The following DCLK1 variants were observed in gnomAD, a reference collection of about 807,000 sequenced individuals.
The protein encoded by DCLK1 is doublecortin like kinase 1, also known as serine/threonine-protein kinase DCLK1.
DCLK1 carries 16 observed loss-of-function variants against 86.2 expected under a neutral mutation model. The observed-to-expected ratio is 0.19, with a 90% CI of 0.13 to 0.28. DCLK1 has a LOEUF of 0.28. Ranked by LOEUF, DCLK1 falls within the 10% of genes least tolerant of loss-of-function variation. DCLK1 has a pLI of 1.00. For missense variants in DCLK1, 590 were observed against 940.2 expected, an observed-to-expected ratio of 0.63 and a Z score of 4.87; for synonymous variants, 369 against 370.5, an observed-to-expected ratio of 1.00 and a Z score of 0.05.
chr13:36,122,854 A>T (rs1886042799), intron 2 of DCLK1, among the ~76,000 whole-genome samples: 1 of 152,224 alleles, frequency 6.6e-6, no homozygotes, highest in Non-Finnish European at 1.5e-5. Flanking sequence ...ACACACATTC[A>T]CACTGACTAT....
At chr13:36,014,888 G>A (rs371395864) in intron 3 of DCLK1, among the ~76,000 whole-genome samples, 28 of 152,112 alleles carry the variant, frequency 1.8e-4, no homozygotes, top group African/African-American at 5.3e-4. Context: ...AGAATGTTCC[G>A]TGCATAATTC....
At chr13:35,978,785 T>G (rs1468274523) in intron 3 of DCLK1, among the ~76,000 whole-genome samples, 1 of 152,328 alleles carries the variant, frequency 6.6e-6, no homozygotes. Context: ...CCTTTTTTTC[T>G]GTAAGGCCCC....
intron 4 of DCLK1, among the ~76,000 whole-genome samples, chr13:35,895,068 G>A (rs951013983): frequency 6.6e-6 from 1 of 152,132 alleles, no homozygotes; most frequent in African/African-American, 2.4e-5. Context: ...AGCCTCCCCA[G>A]TAGCTGTGAC....
rs17068354 is a variant in DCLK1 at position 35,847,708 on chromosome 13, G to A, written c.1035+6791C>T. The A allele has an allele frequency of 1.4e-3, 1,348 of 980,928 alleles. 22 individuals are homozygous for A. In the African/African-American group the frequency reaches 0.022, roughly 16 times the overall value. 60.8% of individuals were successfully genotyped at this position (980,928 alleles called of 1,614,324 possible). A position where few individuals can be genotyped will look rare whatever the true frequency, so the allele number is the denominator to read the frequency against. On this transcript the variant is annotated intron_variant, in intron 6 of 16. Transcript: ENST00000360631. ...TCAGGGCATGTGTTGGAAATTCCCCGGCTGGTTATGTAGGGTATATATATA... is the reference window on the plus strand; with the variant it reads ...TCAGGGCATGTGTTGGAAATTCCCCAGCTGGTTATGTAGGGTATATATATA...
At chr13:36,117,751 T>C (rs1310794793) in intron 2 of DCLK1, among the ~76,000 whole-genome samples, 2 of 152,210 alleles carry the variant, frequency 1.3e-5, no homozygotes, top group Admixed American at 6.5e-5. Flanking sequence ...TTAGCCACTC[T>C]GGGAAGGGAA....
intron 4 of DCLK1, among the ~76,000 whole-genome samples, chr13:35,911,125 T>C (rs933826182): frequency 5.3e-5 from 1 of 18,948 alleles, no homozygotes; most frequent in South Asian, 4.5e-3. Context: ...CTACTAAAAA[T>C]ACAAAAAAAA....
At chr13:36,056,662 A>AG (rs1454076948) in intron 3 of DCLK1, among the ~76,000 whole-genome samples, 4 of 150,938 alleles carry the variant, frequency 2.7e-5, no homozygotes, top group Non-Finnish European at 5.9e-5. Context: ...GCACACAAAA[A>AG]AAAAAATTAA....
intron 4 of DCLK1, among the ~76,000 whole-genome samples, chr13:35,872,583 C>T (rs1476392799): frequency 6.6e-6 from 1 of 152,166 alleles, no homozygotes; most frequent in Non-Finnish European, 1.5e-5. Context: ...CAGATTTAGT[C>T]CCTGGCACTT....
At chr13:35,954,533 G>C (rs916657123) in intron 3 of DCLK1, among the ~76,000 whole-genome samples, 1 of 152,070 alleles carries the variant, frequency 6.6e-6, no homozygotes, top group Non-Finnish European at 1.5e-5. Flanking sequence ...TTTACAATCA[G>C]TTTTATAGCC....
chr13:35,908,426 T>G (rs7335726), intron 4 of DCLK1, among the ~76,000 whole-genome samples: 33,651 of 152,134 alleles, frequency 0.22, 4,170 homozygotes, highest in East Asian at 0.34. Context: ...TGCTAATTCT[T>G]AACTAGTTGA....
At chr13:35,844,352 G>A (rs908976750) in intron 6 of DCLK1, among the ~76,000 whole-genome samples, 1 of 152,172 alleles carries the variant, frequency 6.6e-6, no homozygotes, top group East Asian at 1.9e-4. Context: ...GAAACCACGA[G>A]AGCCAAGATT....
chr13:35,955,324 C>A (rs898799017), intron 3 of DCLK1, among the ~76,000 whole-genome samples: 4 of 152,024 alleles, frequency 2.6e-5, no homozygotes, highest in Admixed American at 1.3e-4. Context: ...TGTCTCACAG[C>A]CCGGAGGCTG....
At chr13:36,045,370 A>ATCTATC (rs1184419239) in intron 3 of DCLK1, among the ~76,000 whole-genome samples, 3 of 133,158 alleles carry the variant, frequency 2.3e-5, no homozygotes, top group East Asian at 4.3e-4. Context: ...ATATATATAT[A>ATCTATC]TATATATTTC....
At chr13:35,873,276 TA>T (rs1180663542) in intron 4 of DCLK1, among the ~76,000 whole-genome samples, 1 of 151,202 alleles carries the variant, frequency 6.6e-6, no homozygotes, top group African/African-American at 2.4e-5. Flanking sequence ...TAAATAAAAA[TA>T]AAAAAATTAA....
chr13:35,854,415 G>T, intron 6 of DCLK1, 84 bp downstream of exon 6: 2 of 1,105,744 alleles, frequency 1.8e-6, no homozygotes, highest in South Asian at 2.2e-5. Context: ...GCCTAGAGAC[G>T]AGCAGCACGA....
At chr13:36,101,672 C>T (rs1210054641) in intron 3 of DCLK1, among the ~76,000 whole-genome samples, 1 of 144,834 alleles carries the variant, frequency 6.9e-6, no homozygotes, top group Non-Finnish European at 1.6e-5. Flanking sequence ...CGCATCTCTG[C>T]CTGCTCCCTG....
intron 5 of DCLK1, among the ~76,000 whole-genome samples, chr13:35,861,241 A>G (rs1871362712): frequency 7.2e-6 from 1 of 139,858 alleles, no homozygotes; most frequent in Non-Finnish European, 1.5e-5. Flanking sequence ...GGGTACAAGA[A>G]AAAAAATTTA....
At chr13:36,001,545 T>C (rs1279518664) in intron 3 of DCLK1, among the ~76,000 whole-genome samples, 4 of 152,096 alleles carry the variant, frequency 2.6e-5, no homozygotes. Context: ...CTAGGACTCC[T>C]TTAGCATGGA....
chr13:35,907,375 C>G (rs1457976966), intron 4 of DCLK1, among the ~76,000 whole-genome samples: 2 of 152,008 alleles, frequency 1.3e-5, no homozygotes, highest in African/African-American at 4.8e-5. Flanking sequence ...GTTTTCCAGG[C>G]TGGTCTCGAA....
Sources: allele counts gnomAD v4.1 joint callset (sites outside exome capture counted in the v4.1 genomes callset), GRCh38; gene constraint gnomAD v4.1.1; transcripts MANE v1.5; gene names NCBI Gene and HGNC (gene_info 2026-07-23, HGNC 2026-07-21).